The following APPBP2 variants were observed in gnomAD, a reference collection of about 807,000 sequenced individuals.
APPBP2 encodes amyloid beta precursor protein binding protein 2, also known as amyloid protein-binding protein 2.
A neutral mutation model predicts 76.0 loss-of-function variants in APPBP2; 15 were observed. The ratio of observed to expected loss-of-function variants is 0.20; its 90% CI spans 0.13 to 0.30. The LOEUF is 0.30. APPBP2 is among the 10% of genes least tolerant of loss of function. The probability of loss-of-function intolerance (pLI) is 1.00; values close to 1 mark genes in which losing one functional copy is unlikely to be tolerated. For synonymous variants in APPBP2, 222 were observed against 242.2 expected, an observed-to-expected ratio of 0.92 and a Z score of 0.77; for missense variants, 401 against 687.2, an observed-to-expected ratio of 0.58 and a Z score of 4.66.
intron 1 of APPBP2, among the ~76,000 whole-genome samples, chr17:60,517,142 ATTT>A (rs1015650906): frequency 6.6e-6 from 1 of 151,878 alleles, no homozygotes; most frequent in Non-Finnish European, 1.5e-5. Flanking sequence ...TGCCTGGCTA[ATTT>A]TTTTTATTTT....
intron 1 of APPBP2, among the ~76,000 whole-genome samples, chr17:60,520,717 A>G (rs908010216): frequency 5.9e-5 from 9 of 152,154 alleles, no homozygotes; most frequent in African/African-American, 2.2e-4. Flanking sequence ...TAAAATAAAA[A>G]GATCATAAAC....
intron 9 of APPBP2, among the ~76,000 whole-genome samples, chr17:60,458,314 A>G (rs1406126826): frequency 2.0e-5 from 3 of 151,986 alleles, no homozygotes; most frequent in Non-Finnish European, 4.4e-5. Flanking sequence ...TGTGCCTGTA[A>G]TTCCAGCTAC....
intron 8 of APPBP2, 52 bp from the exon 9 acceptor site, chr17:60,460,839 T>TA: frequency 6.4e-7 from 1 of 1,563,400 alleles, no homozygotes; most frequent in South Asian, 1.2e-5. Context: ...ACCACCTAGT[T>TA]AAATTAAACA....
chr17:60,452,686 C>T (rs991472104), intron 11 of APPBP2, among the ~76,000 whole-genome samples: 3 of 152,032 alleles, frequency 2.0e-5, no homozygotes, highest in East Asian at 1.9e-4. Flanking sequence ...TTTGGGAGGT[C>T]GAGGCAGGCA....
At chr17:60,482,556 G>T (rs2090638399) in intron 3 of APPBP2, among the ~76,000 whole-genome samples, 1 of 152,144 alleles carries the variant, frequency 6.6e-6, no homozygotes. Flanking sequence ...TTTACATTAG[G>T]TATTTCTCCT....
intron 9 of APPBP2, 49 bp downstream of exon 9, chr17:60,460,614 A>C: frequency 6.4e-7 from 1 of 1,571,160 alleles, no homozygotes; most frequent in Non-Finnish European, 8.6e-7. Context: ...AAACAAAATA[A>C]AACAAAAACA....
chr17:60,450,422 A>G (rs556876677), intron 12 of APPBP2, among the ~76,000 whole-genome samples: 2 of 148,104 alleles, frequency 1.4e-5, no homozygotes, highest in Non-Finnish European at 3.0e-5. Context: ...TGGGTGACAG[A>G]GCGAGACTCC....
intron 8 of APPBP2, 114 bp from the exon 9 acceptor site, chr17:60,460,901 G>A: frequency 9.6e-7 from 1 of 1,041,778 alleles, no homozygotes; most frequent in Non-Finnish European, 1.3e-6. Flanking sequence ...AAATTTTGAA[G>A]CCCAGAAAGT....
rs1299671843 is a variant in APPBP2 at position 60,446,730 on chromosome 17, T to C, written c.*851A>G. ...CTTCCCTAATTTGGTATCTATTACATAATTTTTGCATTATCCTTTTTCATT... is the reference window on the plus strand; with the variant it reads ...CTTCCCTAATTTGGTATCTATTACACAATTTTTGCATTATCCTTTTTCATT... On this transcript the variant is annotated 3_prime_UTR_variant, in exon 13 of 13. Transcript: ENST00000083182. 1 of 152,232 alleles carries C rather than the reference T, an allele frequency of 6.6e-6. No individual in the cohort carries two copies. The highest frequency in any genetic ancestry group is 1.5e-5 in the Non-Finnish European group (1 of 68,040). The allele number at this position is 152,232 out of a possible 1,614,324, so 9.4% of individuals were successfully genotyped here. A position where few individuals can be genotyped will look rare whatever the true frequency, so the allele number is the denominator to read the frequency against.
intron 12 of APPBP2, among the ~76,000 whole-genome samples, chr17:60,448,394 C>CA (rs1443013157): frequency 6.6e-6 from 1 of 152,188 alleles, no homozygotes; most frequent in Admixed American, 6.5e-5. Context: ...ACCCAGGAGG[C>CA]AGAGGTTGCA....
intron 9 of APPBP2, among the ~76,000 whole-genome samples, chr17:60,458,781 T>TG (rs138157818): frequency 0.08 from 12,119 of 150,912 alleles, 1,633 homozygotes; most frequent in African/African-American, 0.28. Context: ...TTTTTTTTTT[T>TG]GTTTTTTTTT....
intron 4 of APPBP2, among the ~76,000 whole-genome samples, chr17:60,468,015 T>G (rs60260798): frequency 0.082 from 12,506 of 152,066 alleles, 1,703 homozygotes; most frequent in African/African-American, 0.28. Flanking sequence ...GTAAGGGAGG[T>G]GATTTGACTT....
At chr17:60,520,012 G>A (rs2090996074) in intron 1 of APPBP2, among the ~76,000 whole-genome samples, 1 of 151,518 alleles carries the variant, frequency 6.6e-6, no homozygotes, top group African/African-American at 2.4e-5. Flanking sequence ...TCGAACTCCT[G>A]GACTCAAGCA....
chr17:60,506,456 T>A (rs369955979), intron 1 of APPBP2, among the ~76,000 whole-genome samples: 1 of 152,222 alleles, frequency 6.6e-6, no homozygotes, highest in African/African-American at 2.4e-5. Context: ...GGTTAGTTTA[T>A]AACTCATCCA....
chr17:60,471,775 T>C (rs1310621167), intron 4 of APPBP2, among the ~76,000 whole-genome samples: 1 of 152,196 alleles, frequency 6.6e-6, no homozygotes, highest in Non-Finnish European at 1.5e-5. Context: ...CGTCTGAAAT[T>C]GCCTTTTTTG....
chr17:60,475,273 GACATGACATAACATA>G (rs2090581422), intron 4 of APPBP2, among the ~76,000 whole-genome samples: 1 of 151,946 alleles, frequency 6.6e-6, no homozygotes, highest in Non-Finnish European at 1.5e-5. Flanking sequence ...GACATAACAT[GACATGACATAACATA>G]ACATGATAGT....
intron 1 of APPBP2, among the ~76,000 whole-genome samples, chr17:60,506,697 C>T (rs1385340931): frequency 1.3e-5 from 2 of 152,224 alleles, no homozygotes; most frequent in Non-Finnish European, 2.9e-5. Context: ...CAATACCTAG[C>T]ACAGTGCCTA....
At chr17:60,514,366 G>T (rs1330980108) in intron 1 of APPBP2, among the ~76,000 whole-genome samples, 2 of 151,968 alleles carry the variant, frequency 1.3e-5, no homozygotes, top group African/African-American at 4.8e-5. Flanking sequence ...AGCACTTTAG[G>T]AAGCCAAGGC....
At chr17:60,515,391 C>T (rs1307167693) in intron 1 of APPBP2, among the ~76,000 whole-genome samples, 1 of 152,202 alleles carries the variant, frequency 6.6e-6, no homozygotes. Context: ...GCTGGGATTA[C>T]AGGCATGAGC....
Sources: allele counts gnomAD v4.1 joint callset (sites outside exome capture counted in the v4.1 genomes callset), GRCh38; gene constraint gnomAD v4.1.1; transcripts MANE v1.5; gene names NCBI Gene and HGNC (gene_info 2026-07-23, HGNC 2026-07-21).